The following LINGO1 variants were observed in gnomAD, a reference collection of about 807,000 sequenced individuals.
LINGO1 encodes leucine rich repeat and Ig domain containing 1.
A neutral mutation model predicts 37.3 loss-of-function variants in LINGO1; 11 were observed. The observed-to-expected ratio is 0.29, with a 90% CI of 0.19 to 0.49. The LOEUF (loss-of-function observed/expected upper bound fraction) is 0.49. LINGO1 is among the 20% of genes least tolerant of loss of function. The probability of loss-of-function intolerance (pLI) is 0.99; values close to 1 mark genes in which losing one functional copy is unlikely to be tolerated. For synonymous variants in LINGO1, 387 were observed against 403.0 expected, an observed-to-expected ratio of 0.96 and a Z score of 0.48; for missense variants, 585 against 878.2, an observed-to-expected ratio of 0.67 and a Z score of 4.22.
intron 2 of LINGO1, among the ~76,000 whole-genome samples, chr15:77,717,513 C>T (rs150932232): frequency 4.0e-5 from 6 of 150,868 alleles, no homozygotes; most frequent in Admixed American, 6.6e-5. Flanking sequence ...ACTGGCACAC[C>T]ACGTGTGAGA....
At chr15:77,781,050 G>A (rs1267359028) in intron 1 of LINGO1, among the ~76,000 whole-genome samples, 1 of 152,236 alleles carries the variant, frequency 6.6e-6, no homozygotes, top group Non-Finnish European at 1.5e-5. Context: ...CTGTACCTTG[G>A]ACACCGCAGA....
At chr15:77,816,002 CCACT>C (rs1237975088) in intron 1 of LINGO1, among the ~76,000 whole-genome samples, 1 of 152,170 alleles carries the variant, frequency 6.6e-6, no homozygotes, top group East Asian at 1.9e-4. Context: ...TAGAAAGCCC[CCACT>C]CACGTTCGCA....
In LINGO1 at chr15:77,720,920, G is replaced by A. The variant is rs112912256; in HGVS notation, c.-195+14072C>T. ...CCGCCTCCCTCATCCCTCCACCCAC[G>A]GCTGAAGGACTGTCCCTCCCAGACA... On this transcript the variant is annotated intron_variant, in intron 2 of 3. Coordinates refer to the LINGO1 transcript ENST00000561686. Among the ~76,000 whole-genome samples, 305 of 151,568 alleles carry A rather than the reference G, an allele frequency of 2.0e-3. 3 individuals are homozygous for A. Among genetic ancestry groups the A allele is most frequent in the African/African-American group, 7.0e-3 (290 of 41,336 alleles).
intron 1 of LINGO1, among the ~76,000 whole-genome samples, chr15:77,799,789 GGTTTT>G (rs1365858746): frequency 1.3e-5 from 2 of 149,940 alleles, no homozygotes; most frequent in Non-Finnish European, 3.0e-5. Context: ...ATTTTTGGTG[GGTTTT>G]GTTTTGTTTT....
chr15:77,818,729 G>C (rs1186361705), intron 1 of LINGO1, among the ~76,000 whole-genome samples: 3 of 152,088 alleles, frequency 2.0e-5, no homozygotes, highest in Admixed American at 2.0e-4. Flanking sequence ...AGCTGTCCCC[G>C]CGCGGTCCTG....
intron 2 of LINGO1, among the ~76,000 whole-genome samples, chr15:77,718,010 G>C (rs1362292664): frequency 6.6e-6 from 1 of 150,920 alleles, no homozygotes; most frequent in African/African-American, 2.4e-5. Flanking sequence ...CAGGGAGCTG[G>C]GAGCAGGGCC....
intron 2 of LINGO1, among the ~76,000 whole-genome samples, chr15:77,681,254 C>T (rs891884776): frequency 9.2e-5 from 14 of 151,836 alleles, no homozygotes; most frequent in Non-Finnish European, 7.4e-5. Flanking sequence ...TAAATGAGAC[C>T]TGTTTAATTG....
At chr15:77,647,781 C>T (rs2074667787) in intron 3 of LINGO1, 2 of 446,798 alleles carry the variant, frequency 4.5e-6, no homozygotes, top group Non-Finnish European at 9.0e-6. Context: ...TCACCCCTCT[C>T]TCTCTTCTTT....
intron 1 of LINGO1, among the ~76,000 whole-genome samples, chr15:77,754,979 G>T (rs559709747): frequency 1.4e-4 from 22 of 152,316 alleles, no homozygotes; most frequent in African/African-American, 5.1e-4. Context: ...GACACTTTTT[G>T]ACTTATCTGG....
chr15:77,629,298 GTTCATTCA>G (rs57875651), intron 1 of LINGO1, among the ~76,000 whole-genome samples: 3 of 151,838 alleles, frequency 2.0e-5, no homozygotes, highest in African/African-American at 7.3e-5. Context: ...TCGCTTGTTC[GTTCATTCA>G]TTCATTCATT....
In LINGO1 at chr15:77,794,029, C is replaced by T. The variant is rs573495108; in HGVS notation, c.-343+1910G>A. Among the ~76,000 whole-genome samples the T allele has an allele frequency of 2.6e-5, 4 of 152,284 alleles. No homozygotes were observed. In the East Asian group the frequency reaches 5.8e-4, roughly 22 times the overall value. On this transcript the variant is annotated intron_variant, in intron 2 of 5. Transcript: ENST00000562933. Reference sequence around the variant, plus strand: ...GGCCCTCCTGCCCTGCGTCAGCTCCCGCCTGCATCTCCCCGCCCACTGAGC... The same window carrying T: ...GGCCCTCCTGCCCTGCGTCAGCTCCTGCCTGCATCTCCCCGCCCACTGAGC...
rs556047549 is a variant in LINGO1 at position 77,737,450 on chromosome 15, G to A, written c.-256-2397C>T. On this transcript the variant is annotated intron_variant, in intron 1 of 3. Transcript: ENST00000561686. The stretch of plus-strand genomic sequence containing the variant: ...GAGGAAGGGGAGGAAGGAGAGGGAG[G>A]AAGGGGAGGAAGGAGGGAGAGGAAG... Among the ~76,000 whole-genome samples the A allele has an allele frequency of 5.6e-4, 85 of 152,156 alleles. No homozygotes were observed. The South Asian group carries it at 0.017, about 30-fold the overall frequency.
At chr15:77,810,229 C>A (rs1196676074) in intron 1 of LINGO1, among the ~76,000 whole-genome samples, 1 of 135,220 alleles carries the variant, frequency 7.4e-6, no homozygotes, top group Non-Finnish European at 1.6e-5. Flanking sequence ...CACAAACATA[C>A]ACACACACAC....
chr15:77,703,428 G>T (rs2075809797), intron 2 of LINGO1, among the ~76,000 whole-genome samples: 1 of 152,118 alleles, frequency 6.6e-6, no homozygotes, highest in African/African-American at 2.4e-5. Context: ...TATTGGCAGT[G>T]GGAGGTAGGG....
chr15:77,799,373 A>G (rs2076898904), intron 1 of LINGO1, among the ~76,000 whole-genome samples: 1 of 152,104 alleles, frequency 6.6e-6, no homozygotes, highest in Non-Finnish European at 1.5e-5. Flanking sequence ...CCATGCTTCT[A>G]AGAGACCTCT....
intron 1 of LINGO1, among the ~76,000 whole-genome samples, chr15:77,779,419 T>C (rs900609432): frequency 7.2e-5 from 11 of 152,102 alleles, no homozygotes; most frequent in African/African-American, 1.7e-4. Context: ...TACATTGTCA[T>C]ATATAATGAA....
chr15:77,732,690 C>A (rs918791309), intron 2 of LINGO1, among the ~76,000 whole-genome samples: 1 of 152,248 alleles, frequency 6.6e-6, no homozygotes, highest in African/African-American at 2.4e-5. Context: ...CCACAGCCCA[C>A]GCCAGCCCTG....
chr15:77,747,561 TAGG>T lies in LINGO1; in HGVS notation c.-256-12511_-256-12509del, dbSNP rs2076326506. On this transcript the variant is annotated intron_variant, in intron 1 of 3. Coordinates refer to the LINGO1 transcript ENST00000561686. ...CCCACCAATTCCCAGTCTGGGCTTC[TAGG>T]AGCTGTAGAGTGAGCACACTCAGAA... 2.6e-5 allele frequency among the ~76,000 whole-genome samples: 4 copies of T among 152,232 alleles called. No individual in the cohort carries two copies. The South Asian group carries it at 8.3e-4, about 32-fold the overall frequency.
chr15:77,787,717 T>C (rs7170191), upstream of LINGO1, among the ~76,000 whole-genome samples: 145,146 of 152,270 alleles, frequency 0.95, 69,227 homozygotes, highest in Admixed American at 0.97. Context: ...ACCTCCTTGC[T>C]GGCAGTTTAG....
Sources: allele counts gnomAD v4.1 joint callset (sites outside exome capture counted in the v4.1 genomes callset), GRCh38; gene constraint gnomAD v4.1.1; transcripts MANE v1.5; gene names NCBI Gene and HGNC (gene_info 2026-07-23, HGNC 2026-07-21).